Variants in MCM9 observed in about 807,000 individuals in gnomAD.
MCM9 encodes the protein DNA helicase MCM9.
Under a neutral mutation model 72.8 loss-of-function variants are expected in MCM9, and 55 were observed. The ratio of observed to expected loss-of-function variants is 0.76; its 90% confidence interval spans 0.61 to 0.95. The LOEUF (loss-of-function observed/expected upper bound fraction) is 0.95, where lower values mean the gene tolerates loss of function less well. MCM9 is among the 40% of genes least tolerant of loss of function. The pLI is 0.00. For missense variants in MCM9, 1,279 were observed against 1,377.0 expected (o/e 0.93, Z 1.13); for synonymous variants, 480 against 503.4 (o/e 0.95, Z 0.62).
intron 8 of MCM9, chr6:118,911,289 T>C (rs1353319470): frequency 8.0e-6 from 8 of 1,005,906 alleles, no homozygotes; most frequent in Non-Finnish European, 9.5e-6. Context: ...TTAAGCTCTA[T>C]ACCATCTATC....
chr6:118,900,702 C>A, intron 8 of MCM9: 2 of 1,179,010 alleles, frequency 1.7e-6, no homozygotes, highest in South Asian at 2.4e-5. Context: ...TTAAAAGGGT[C>A]TTTGATGTCA....
chr6:118,929,124 G>A (rs2114436346), intron 3 of MCM9, among the ~76,000 whole-genome samples: 1 of 152,278 alleles, frequency 6.6e-6, no homozygotes, highest in African/African-American at 2.4e-5. Context: ...GGAGGCTGAG[G>A]CAGGAGGATT....
At chr6:118,870,994 A>C (rs1389819216) in intron 8 of MCM9, among the ~76,000 whole-genome samples, 1 of 152,184 alleles carries the variant, frequency 6.6e-6, no homozygotes, top group East Asian at 1.9e-4. Flanking sequence ...CAGGACCAGA[A>C]GGCTTCATGG....
intron 11 of MCM9, among the ~76,000 whole-genome samples, chr6:118,827,602 T>C (rs893833849): frequency 7.9e-5 from 12 of 151,890 alleles, no homozygotes; most frequent in African/African-American, 2.9e-4. Context: ...CAAGAAACTG[T>C]CCTACTCAAA....
intron 8 of MCM9, chr6:118,907,362 T>G: frequency 4.3e-6 from 6 of 1,409,068 alleles, no homozygotes; most frequent in Non-Finnish European, 5.9e-6. Flanking sequence ...GATTTAACTT[T>G]CTTAGTGTTT....
chr6:118,843,692 A>ATATATATG (rs1554257143), intron 9 of MCM9, among the ~76,000 whole-genome samples: 3 of 63,792 alleles, frequency 4.7e-5, no homozygotes, highest in African/African-American at 2.0e-4. Context: ...ATATGTGTAT[A>ATATATATG]TATATATATA....
chr6:118,901,680 A>C (rs1223805838), intron 8 of MCM9, among the ~76,000 whole-genome samples: 5 of 152,310 alleles, frequency 3.3e-5, no homozygotes, highest in African/African-American at 4.8e-5. Context: ...ATGCTTATTT[A>C]TAAGGGAGAT....
chr6:118,901,864 C>T (rs1474654958), intron 8 of MCM9, among the ~76,000 whole-genome samples: 1 of 152,172 alleles, frequency 6.6e-6, no homozygotes, highest in Non-Finnish European at 1.5e-5. Context: ...TTTCTCACTT[C>T]ACAGATGGGA....
rs284921 is a variant in MCM9, at chr6:118,827,986, C to G, written c.1673G>C (p.Cys558Ser). 1,315,734 of 1,550,820 alleles carry G rather than the reference C, an allele frequency of 0.85. 559,263 individuals carry two copies. Among genetic ancestry groups the G allele is most frequent in the African/African-American group, 0.96 (70,157 of 73,152 alleles). The change falls in exon 11 of 14, where the codon TGC becomes TCC. Residue 558 changes from cysteine to serine, a missense_variant. Transcript: ENST00000619706. ...AATGGTGGTCCGGGCAGCGTTCCGGCAATCACTCTGCCTTTGCATCTGGTA... is the reference window on the plus strand; with the variant it reads ...AATGGTGGTCCGGGCAGCGTTCCGGGAATCACTCTGCCTTTGCATCTGGTA... ...RYYQMQRQSD[C>S]RNAARTTIRL...
chr6:118,890,123 T>C (rs1171579464), intron 8 of MCM9, among the ~76,000 whole-genome samples: 1 of 152,158 alleles, frequency 6.6e-6, no homozygotes, highest in Non-Finnish European at 1.5e-5. Flanking sequence ...CTGGGTCTCC[T>C]TCTCTCTCCC....
At chr6:118,900,361 T>C (rs1025580404) in intron 8 of MCM9, among the ~76,000 whole-genome samples, 1 of 151,976 alleles carries the variant, frequency 6.6e-6, no homozygotes, top group Non-Finnish European at 1.5e-5. Context: ...AAAGATGATA[T>C]ACAAAAAAAG....
intron 9 of MCM9, among the ~76,000 whole-genome samples, chr6:118,855,851 G>A (rs1475824405): frequency 6.6e-6 from 1 of 152,072 alleles, no homozygotes; most frequent in African/African-American, 2.4e-5. Flanking sequence ...TTTATGTGTA[G>A]CCAGGGACTC....
At chr6:118,866,960 T>C (rs1307601290) in intron 8 of MCM9, among the ~76,000 whole-genome samples, 1 of 151,996 alleles carries the variant, frequency 6.6e-6, no homozygotes, top group Non-Finnish European at 1.5e-5. Flanking sequence ...AAGAACCTTC[T>C]CATAAGACTA....
At chr6:118,872,663 C>G (rs559006970) in intron 8 of MCM9, among the ~76,000 whole-genome samples, 1 of 151,174 alleles carries the variant, frequency 6.6e-6, no homozygotes, top group Admixed American at 6.6e-5. Context: ...TTTTAAAAAC[C>G]TAAAAAAAAA....
chr6:118,829,088 G>A lies in MCM9; in HGVS notation c.1488C>T (p.Asp496=). ...ILVLLDTKNE[D]WDRIISSFIL... ...TAAAGGAGGAAATGATACGATCCCAGTCTTCATTCTTGGTATCAAGCAAAA... is the reference window on the plus strand; with the variant it reads ...TAAAGGAGGAAATGATACGATCCCAATCTTCATTCTTGGTATCAAGCAAAA... The change falls in exon 10 of 14, where the codon GAC becomes GAT. Residue 496 remains aspartate (D), a synonymous_variant. Coordinates refer to ENST00000619706, the MANE Select transcript of MCM9 (RefSeq NM_017696.3). 2.6e-6 allele frequency: 4 copies of A among 1,550,660 alleles called. No homozygotes were observed. The highest frequency in any genetic ancestry group is 2.6e-6 in the Non-Finnish European group (3 of 1,146,990).
At chr6:118,892,440 G>GT (rs1003423284) in intron 8 of MCM9, among the ~76,000 whole-genome samples, 6 of 152,150 alleles carry the variant, frequency 3.9e-5, no homozygotes, top group African/African-American at 1.4e-4. Flanking sequence ...CAAAATGCAC[G>GT]TGATTTTAAC....
Position 118,919,962 on chromosome 6 carries a change from T to C in MCM9, c.703+2043A>G, listed in dbSNP as rs139349793. 1,344 of 152,322 alleles carry C rather than the reference T, an allele frequency of 8.8e-3. 10 individuals carry two copies. The highest frequency in any genetic ancestry group is 0.015 in the Non-Finnish European group (991 of 68,030). 9.4% of individuals were successfully genotyped at this position (152,322 alleles called of 1,614,324 possible). A position where few individuals can be genotyped will look rare whatever the true frequency, so the allele number is the denominator to read the frequency against. ...TTTGTCTTTTGATTCCCACAGAGGT[T>C]TATAGCTAATGATACATGAAAAAAT... On this transcript the variant is annotated intron_variant, in intron 5 of 13. Coordinates refer to ENST00000619706, the MANE Select transcript of MCM9 (RefSeq NM_017696.3).
chr6:118,907,025 T>C (rs548856772), intron 8 of MCM9, among the ~76,000 whole-genome samples: 1 of 152,356 alleles, frequency 6.6e-6, no homozygotes, highest in Non-Finnish European at 1.5e-5. Context: ...ATTTTTCATT[T>C]TCCTTTGAAA....
rs150509738 is a variant in MCM9 at position 118,823,560 on chromosome 6, A to G, written c.1961+2587T>C. On this transcript the variant is annotated intron_variant, in intron 13 of 13. Transcript: ENST00000619706. Reference sequence around the variant, plus strand: ...CTATTTGGCCATCTTGCCAGATCTCATATTTTCATTTCAAATTTCCCTTTG... The same window carrying G: ...CTATTTGGCCATCTTGCCAGATCTCGTATTTTCATTTCAAATTTCCCTTTG... Among the ~76,000 whole-genome samples, 417 of 152,296 alleles carry G rather than the reference A, an allele frequency of 2.7e-3. 1 individual carries two copies. Among genetic ancestry groups the G allele is most frequent in the African/African-American group, 9.4e-3 (392 of 41,560 alleles).
Sources: allele counts gnomAD v4.1 joint callset (sites outside exome capture counted in the v4.1 genomes callset), GRCh38; gene constraint gnomAD v4.1.1; transcripts MANE v1.5; gene names NCBI Gene and HGNC (gene_info 2026-07-23, HGNC 2026-07-21).